The following SDCBP variants were observed in gnomAD, a reference collection of about 807,000 sequenced individuals.
The protein encoded by SDCBP is syntenin-1.
In SDCBP, 22 loss-of-function variants were observed where a neutral mutation model predicts 30.5. The observed-to-expected ratio is 0.72, with a 90% CI of 0.52 to 1.03. SDCBP has a LOEUF of 1.03. Among genes scored for constraint, SDCBP ranks in the 50% least tolerant of loss-of-function variants. SDCBP has a pLI of 0.00. For synonymous variants in SDCBP, 103 were observed against 118.7 expected (o/e 0.87, Z 0.86); for missense variants, 304 against 369.9 (o/e 0.82, Z 1.46).
intron 1 of SDCBP, 62 bp from the exon 2 acceptor site, chr8:58,564,957 G>T (rs923706523): frequency 2.4e-6 from 2 of 838,792 alleles, no homozygotes; most frequent in Non-Finnish European, 3.9e-6. Context: ...TCTGTGGTTA[G>T]CTGTGTATAC....
chr8:58,553,734 A>C (rs1803947143), intron 1 of SDCBP, among the ~76,000 whole-genome samples: 1 of 152,226 alleles, frequency 6.6e-6, no homozygotes, highest in African/African-American at 2.4e-5. Context: ...GGTTCCTCCC[A>C]GTGCTCGGCG....
intron 1 of SDCBP, among the ~76,000 whole-genome samples, chr8:58,559,175 T>G (rs1368323816): frequency 2.0e-5 from 3 of 152,220 alleles, no homozygotes; most frequent in African/African-American, 7.2e-5. Context: ...TAATATTTAT[T>G]TGAAGAGAAA....
chr8:58,577,975 C>T (rs1353152706), intron 5 of SDCBP, 58 bp from the exon 6 acceptor site: 84 of 1,285,304 alleles, frequency 6.5e-5, no homozygotes, highest in Admixed American at 9.8e-5. Context: ...AATTTTCCAG[C>T]GTTTAAAACC....
chr8:58,553,555 C>CGGGCTGGGGCTGGGGCTG (rs569760705), intron 1 of SDCBP, among the ~76,000 whole-genome samples: 6 of 147,726 alleles, frequency 4.1e-5, no homozygotes, highest in African/African-American at 7.4e-5. Context: ...GGTTCCTGCC[C>CGGGCTGGGGCTGGGGCTG]GGGCTGGGGC....
intron 1 of SDCBP, among the ~76,000 whole-genome samples, chr8:58,557,967 G>T (rs1489688642): frequency 6.6e-6 from 1 of 152,066 alleles, no homozygotes; most frequent in Non-Finnish European, 1.5e-5. Flanking sequence ...CTCATTATTG[G>T]TCATTATAAA....
chr8:58,576,416 CTTTTTT>C, intron 5 of SDCBP: 3 of 140,752 alleles, frequency 2.1e-5, no homozygotes, highest in Admixed American at 7.0e-5. Context: ...GTCAGTGTGC[CTTTTTT>C]TTTTTTTTTT....
Position 58,574,040 on chromosome 8 carries a change from T to C in SDCBP, c.240+1726T>C, listed in dbSNP as rs531941870. On this transcript the variant is annotated intron_variant, in intron 4 of 8. Transcript: ENST00000260130. ...TTTATCACATATTCTTATTGTTATT[T>C]GTTTATTTACAATCTTTAAAAATAT... Among the ~76,000 whole-genome samples, 3 of 152,348 alleles carry C rather than the reference T, an allele frequency of 2.0e-5. No individual in the cohort carries two copies. In the South Asian group the frequency reaches 6.2e-4, roughly 32 times the overall value.
chr8:58,567,008 C>G (rs1455958635), intron 2 of SDCBP, among the ~76,000 whole-genome samples: 1 of 152,138 alleles, frequency 6.6e-6, no homozygotes, highest in Non-Finnish European at 1.5e-5. Flanking sequence ...CAGAGCTTAT[C>G]AGTTTCCTAA....
At chr8:58,574,950 T>C (rs1308978446) in intron 4 of SDCBP, among the ~76,000 whole-genome samples, 1 of 152,196 alleles carries the variant, frequency 6.6e-6, no homozygotes, top group Non-Finnish European at 1.5e-5. Flanking sequence ...ATGCTGTACA[T>C]TAGATCTCCA....
Position 58,581,862 on chromosome 8 carries a change from T to C in SDCBP, c.*122T>C, listed in dbSNP as rs547354370. On this transcript the variant is annotated 3_prime_UTR_variant, in exon 9 of 9. Coordinates refer to ENST00000260130, the MANE Select transcript of SDCBP (RefSeq NM_005625.4). ...CATATGCTGCATGAGGACCTTTCTATCTTACATTATGGCTGGGAATCTTAC... is the reference window on the plus strand; with the variant it reads ...CATATGCTGCATGAGGACCTTTCTACCTTACATTATGGCTGGGAATCTTAC... The C allele has an allele frequency of 2.3e-5, 17 of 742,418 alleles. No individual in the cohort carries two copies. In the South Asian group the frequency reaches 2.6e-4, roughly 11 times the overall value. The allele number at this position is 742,418 out of a possible 1,614,324, so 46.0% of individuals were successfully genotyped here.
At chr8:58,578,255 C>T in intron 6 of SDCBP, 47 bp downstream of exon 6, 3 of 1,411,746 alleles carry the variant, frequency 2.1e-6, no homozygotes, top group Non-Finnish European at 2.8e-6. Flanking sequence ...TACTAGTTTT[C>T]CATTTTTTTG....
At chr8:58,558,140 G>A (rs1804251025) in intron 1 of SDCBP, among the ~76,000 whole-genome samples, 1 of 152,144 alleles carries the variant, frequency 6.6e-6, no homozygotes, top group South Asian at 2.1e-4. Context: ...TTCCTGGAAG[G>A]CTTTTTACAC....
At chr8:58,577,956 T>C in intron 5 of SDCBP, 77 bp from the exon 6 acceptor site, 2 of 1,148,764 alleles carry the variant, frequency 1.7e-6, no homozygotes, top group South Asian at 1.3e-5. Context: ...ACATAAACAG[T>C]TGTTTCCTAA....
At chr8:58,564,202 G>A (rs940394984) in intron 1 of SDCBP, among the ~76,000 whole-genome samples, 3 of 152,132 alleles carry the variant, frequency 2.0e-5, no homozygotes, top group Non-Finnish European at 2.9e-5. Context: ...ATTTGGAAAT[G>A]GGAGGTAATA....
chr8:58,568,032 C>T (rs555636473), intron 2 of SDCBP, among the ~76,000 whole-genome samples: 1 of 152,212 alleles, frequency 6.6e-6, no homozygotes, highest in African/African-American at 2.4e-5. Flanking sequence ...TAGACTTTAT[C>T]AATACTCTAT....
At chr8:58,568,179 TATAAA>T (rs1253426876) in intron 2 of SDCBP, among the ~76,000 whole-genome samples, 4 of 152,244 alleles carry the variant, frequency 2.6e-5, no homozygotes, top group African/African-American at 9.6e-5. Flanking sequence ...TGTACAGCTG[TATAAA>T]ATATTTTCTT....
At chr8:58,554,196 C>T (rs1480522980) in intron 1 of SDCBP, among the ~76,000 whole-genome samples, 1 of 152,166 alleles carries the variant, frequency 6.6e-6, no homozygotes, top group Non-Finnish European at 1.5e-5. Context: ...AGAAAGTACG[C>T]TCGGCTTACC....
At chr8:58,572,004 A>T (rs546454895) in intron 3 of SDCBP, among the ~76,000 whole-genome samples, 1 of 152,316 alleles carries the variant, frequency 6.6e-6, no homozygotes, top group South Asian at 2.1e-4. Flanking sequence ...TTCATATTTT[A>T]CGAATTTTAA....
At chr8:58,556,710 G>A (rs966326586) in intron 1 of SDCBP, among the ~76,000 whole-genome samples, 1 of 151,612 alleles carries the variant, frequency 6.6e-6, no homozygotes, top group African/African-American at 2.4e-5. Flanking sequence ...AAGTATTTAA[G>A]TTGAGGGCCT....
Sources: allele counts gnomAD v4.1 joint callset (sites outside exome capture counted in the v4.1 genomes callset), GRCh38; gene constraint gnomAD v4.1.1; transcripts MANE v1.5; gene names NCBI Gene and HGNC (gene_info 2026-07-23, HGNC 2026-07-21).